The following CBR4 variants were observed in gnomAD, a reference collection of about 807,000 sequenced individuals.
CBR4 encodes carbonyl reductase 4.
In CBR4, 22 loss-of-function variants were observed where a neutral mutation model predicts 21.0. The ratio of observed to expected loss-of-function variants is 1.05; its 90% confidence interval spans 0.75 to 1.50. CBR4 has a LOEUF of 1.50. Ranked by LOEUF, CBR4 falls within the 40% of genes most tolerant of loss-of-function variation. The pLI is 0.00. For synonymous variants in CBR4, 100 were observed against 104.4 expected (o/e 0.96, Z 0.26); for missense variants, 302 against 286.3 (o/e 1.05, Z -0.40).
At chr4:168,942,038 G>C (rs1171717450) in intron 2 of CBR4, among the ~76,000 whole-genome samples, 1 of 152,124 alleles carries the variant, frequency 6.6e-6, no homozygotes, top group Non-Finnish European at 1.5e-5. Context: ...ATATACCATA[G>C]AATACTATGC....
At chr4:168,955,413 CTG>C (rs1763656462) in intron 2 of CBR4, among the ~76,000 whole-genome samples, 1 of 152,142 alleles carries the variant, frequency 6.6e-6, no homozygotes, top group Non-Finnish European at 1.5e-5. Context: ...TAAACAAACA[CTG>C]TTAGGTTGGT....
At chr4:168,944,409 T>C (rs960150761) in intron 2 of CBR4, among the ~76,000 whole-genome samples, 1 of 151,812 alleles carries the variant, frequency 6.6e-6, no homozygotes, top group African/African-American at 2.4e-5. Context: ...GCCCAGGAGT[T>C]TGAAGTTACA....
intron 2 of CBR4, among the ~76,000 whole-genome samples, chr4:168,974,130 C>T (rs565944813): frequency 1.1e-4 from 17 of 152,258 alleles, no homozygotes; most frequent in Non-Finnish European, 2.1e-4. Context: ...GTGGCGAATT[C>T]GCTCAGCATT....
chr4:168,916,137 G>A (rs1760034071), intron 2 of CBR4: 1 of 1,079,414 alleles, frequency 9.3e-7, no homozygotes, highest in East Asian at 2.4e-5. Flanking sequence ...TGAGAGCTGG[G>A]CACAGTGGCT....
At chr4:168,917,045 T>G (rs796854860) in intron 2 of CBR4, among the ~76,000 whole-genome samples, 47 of 136,112 alleles carry the variant, frequency 3.5e-4, no homozygotes, top group East Asian at 8.7e-4. Context: ...TTTGTTTTTT[T>G]GGGGTTTTTT....
chr4:169,006,939 C>T, intron 2 of CBR4, 48 bp from the exon 3 acceptor site: 3 of 1,482,366 alleles, frequency 2.0e-6, no homozygotes, highest in Non-Finnish European at 1.9e-6. Context: ...AAGATAAAAA[C>T]CAAAAAGGTC....
At chr4:168,972,527 A>AT (rs758259513) in intron 2 of CBR4, among the ~76,000 whole-genome samples, 1 of 151,878 alleles carries the variant, frequency 6.6e-6, no homozygotes, top group Non-Finnish European at 1.5e-5. Flanking sequence ...TAAATATTTT[A>AT]TTTTCTTTGC....
chr4:168,986,578 T>C (rs1225272815), downstream of CBR4, among the ~76,000 whole-genome samples: 1 of 152,202 alleles, frequency 6.6e-6, no homozygotes, highest in Admixed American at 6.5e-5. Context: ...CTACCTCCTA[T>C]TACTAGCAGT....
chr4:168,928,209 T>C (rs1389041590), intron 2 of CBR4: 2 of 185,898 alleles, frequency 1.1e-5, no homozygotes, highest in Non-Finnish European at 2.3e-5. Context: ...CCTATCTCTA[T>C]TGTAGAATTA....
At chr4:168,979,492 AG>A (rs1764474790) in intron 2 of CBR4, among the ~76,000 whole-genome samples, 1 of 152,206 alleles carries the variant, frequency 6.6e-6, no homozygotes, top group African/African-American at 2.4e-5. Flanking sequence ...CCGCCTGATC[AG>A]TCAGTGGCAG....
At chr4:168,936,551 C>T (rs1763117470) in intron 2 of CBR4, among the ~76,000 whole-genome samples, 2 of 152,052 alleles carry the variant, frequency 1.3e-5, no homozygotes, top group Non-Finnish European at 2.9e-5. Flanking sequence ...AGGTTAGATG[C>T]ATTGCTAACT....
intron 2 of CBR4, chr4:168,921,750 A>G (rs772627919): frequency 6.2e-7 from 1 of 1,601,684 alleles, no homozygotes; most frequent in South Asian, 1.1e-5. Context: ...TGGTAGGCTC[A>G]TCTGTGAATC....
intron 2 of CBR4, chr4:168,924,154 C>A: frequency 9.8e-7 from 1 of 1,023,254 alleles, no homozygotes; most frequent in Non-Finnish European, 1.5e-6. Context: ...AAAATGGTAT[C>A]ATAAAAGATC....
intron 2 of CBR4, among the ~76,000 whole-genome samples, chr4:168,957,559 GAA>G (rs1376671474): frequency 6.6e-6 from 1 of 152,090 alleles, no homozygotes; most frequent in Non-Finnish European, 1.5e-5. Flanking sequence ...ACTGCTACCA[GAA>G]TCAAGATACA....
At chr4:168,984,161 T>C (rs1764618997), downstream of CBR4, among the ~76,000 whole-genome samples, 1 of 152,102 alleles carries the variant, frequency 6.6e-6, no homozygotes, top group South Asian at 2.1e-4. Flanking sequence ...GAAAACCCTA[T>C]CGTCTATGCC....
At chr4:169,009,165 T>C (rs1731175771) in intron 1 of CBR4, 2 of 411,238 alleles carry the variant, frequency 4.9e-6, no homozygotes, top group African/African-American at 4.2e-5. Flanking sequence ...TGAAGTATAA[T>C]TTTGTCCATT....
At chr4:168,914,093 T>C in intron 2 of CBR4, 1 of 930,272 alleles carries the variant, frequency 1.1e-6, no homozygotes. Context: ...ACTATTAGAA[T>C]CATCATATGA....
intron 2 of CBR4, among the ~76,000 whole-genome samples, chr4:168,943,835 G>T (rs915631788): frequency 1.3e-5 from 2 of 152,102 alleles, no homozygotes; most frequent in East Asian, 3.9e-4. Flanking sequence ...GCTTGAACCC[G>T]AGAGGTGGGG....
At chr4:168,917,514 G>T (rs1295193179) in intron 2 of CBR4, among the ~76,000 whole-genome samples, 2 of 152,084 alleles carry the variant, frequency 1.3e-5, no homozygotes, top group Admixed American at 6.5e-5. Flanking sequence ...TTTTTTGTTT[G>T]ATTTCTTTTT....
Sources: allele counts gnomAD v4.1 joint callset (sites outside exome capture counted in the v4.1 genomes callset), GRCh38; gene constraint gnomAD v4.1.1; transcripts MANE v1.5; gene names NCBI Gene and HGNC (gene_info 2026-07-23, HGNC 2026-07-21).